TNNI3K: variants seen among roughly 807,000 people sequenced by gnomAD.
TNNI3K encodes the protein TNNI3 interacting kinase.
In TNNI3K, 140 loss-of-function variants were observed where a neutral mutation model predicts 114.5. The ratio of observed to expected loss-of-function variants is 1.22; its 90% CI spans 1.07 to 1.41. TNNI3K has a LOEUF of 1.41. Among genes scored for constraint, TNNI3K ranks in the 40% most tolerant of loss-of-function variants. The pLI, the probability that TNNI3K is intolerant of heterozygous loss-of-function variation, is 0.00. For synonymous variants in TNNI3K, 347 were observed against 347.5 expected, an observed-to-expected ratio of 1.00 and a Z score of 0.02; for missense variants, 1,125 against 1,007.6, an observed-to-expected ratio of 1.12 and a Z score of -1.58.
At chr1:74,237,270 T>A (rs1653915849) in intron 2 of TNNI3K, among the ~76,000 whole-genome samples, 1 of 151,932 alleles carries the variant, frequency 6.6e-6, no homozygotes, top group Non-Finnish European at 1.5e-5. Flanking sequence ...GATCTGACTT[T>A]TGCAAGTAGT....
At chr1:74,408,504 T>A (rs143025738) in intron 17 of TNNI3K, among the ~76,000 whole-genome samples, 2 of 152,236 alleles carry the variant, frequency 1.3e-5, no homozygotes, top group Non-Finnish European at 2.9e-5. Flanking sequence ...CTGCACTCAG[T>A]TCTCTCTTTC....
At chr1:74,398,732 C>T (rs903690516) in intron 17 of TNNI3K, among the ~76,000 whole-genome samples, 1 of 152,094 alleles carries the variant, frequency 6.6e-6, no homozygotes, top group Non-Finnish European at 1.5e-5. Flanking sequence ...GCCACTTTAT[C>T]TTGAGGGTGC....
chr1:74,418,704 C>A (rs1330604650), intron 17 of TNNI3K, among the ~76,000 whole-genome samples: 6 of 151,850 alleles, frequency 4.0e-5, no homozygotes, highest in Non-Finnish European at 5.9e-5. Context: ...ATCTTAACCT[C>A]CAAAACAAAA....
intron 7 of TNNI3K, among the ~76,000 whole-genome samples, chr1:74,338,360 A>T (rs1258476723): frequency 1.3e-5 from 2 of 152,026 alleles, no homozygotes; most frequent in Non-Finnish European, 2.9e-5. Context: ...TTTCTTAATT[A>T]TAAAATAAAT....
rs1476385482 is a variant in TNNI3K, at chr1:74,439,471, G to T, written c.1879-19G>T. 2 of 1,607,306 alleles carry T rather than the reference G, an allele frequency of 1.2e-6. No homozygotes were observed. Among genetic ancestry groups the T allele is most frequent in the South Asian group, 1.1e-5 (1 of 89,948 alleles). On this transcript the variant is annotated intron_variant, in intron 19 of 24. Coordinates refer to ENST00000326637, the MANE Select transcript of TNNI3K (RefSeq NM_015978.3). ...CCAAACACTTGGTAAATGGCTTGTG[G>T]ATGTTTCTTGATGTGCAGAACCTCC...
At chr1:74,528,727 T>A (rs1004298548) in intron 23 of TNNI3K, among the ~76,000 whole-genome samples, 16 of 152,222 alleles carry the variant, frequency 1.1e-4, no homozygotes, top group African/African-American at 3.9e-4. Context: ...CACCTATGTA[T>A]GCTCATGCAT....
chr1:74,380,315 T>G (rs1332080861), intron 17 of TNNI3K, among the ~76,000 whole-genome samples: 1 of 152,186 alleles, frequency 6.6e-6, no homozygotes, highest in African/African-American at 2.4e-5. Context: ...GCTATAAAAA[T>G]AGTGCTACTC....
chr1:74,504,978 TTC>T (rs1669820016), intron 23 of TNNI3K, among the ~76,000 whole-genome samples: 1 of 152,128 alleles, frequency 6.6e-6, no homozygotes, highest in Admixed American at 6.5e-5. Flanking sequence ...GGTGACAGAT[TTC>T]TCAGTTTTCA....
chr1:74,436,213 T>C, intron 18 of TNNI3K, 81 bp downstream of exon 18: 8 of 1,525,114 alleles, frequency 5.2e-6, no homozygotes, highest in Non-Finnish European at 7.2e-6. Flanking sequence ...ACCATGAAAC[T>C]GAACACTGAA....
At chr1:74,391,123 G>A (rs755767703) in intron 17 of TNNI3K, among the ~76,000 whole-genome samples, 1 of 152,126 alleles carries the variant, frequency 6.6e-6, no homozygotes, top group Non-Finnish European at 1.5e-5. Context: ...CCATTGAGAT[G>A]TTTAAGCAAG....
intron 21 of TNNI3K, chr1:74,480,529 G>A (rs1668436286): frequency 1.4e-6 from 1 of 717,396 alleles, no homozygotes; most frequent in Non-Finnish European, 2.6e-6. Context: ...GGGGCCGGAA[G>A]GCATCTTTCC....
intron 23 of TNNI3K, among the ~76,000 whole-genome samples, chr1:74,494,506 G>A (rs996445317): frequency 6.6e-6 from 1 of 152,088 alleles, no homozygotes; most frequent in Non-Finnish European, 1.5e-5. Context: ...AGGACCCATA[G>A]GCCAAGACTA....
intron 11 of TNNI3K, among the ~76,000 whole-genome samples, chr1:74,364,258 G>A (rs1234512941): frequency 6.6e-6 from 1 of 151,672 alleles, no homozygotes; most frequent in African/African-American, 2.4e-5. Flanking sequence ...CTCCACCTCA[G>A]CCCCACAAAA....
intron 5 of TNNI3K, among the ~76,000 whole-genome samples, chr1:74,303,798 A>G (rs1570441551): frequency 6.6e-6 from 1 of 152,212 alleles, no homozygotes; most frequent in Non-Finnish European, 1.5e-5. Context: ...AGATGCCAGT[A>G]AGATCATTTG....
intron 23 of TNNI3K, among the ~76,000 whole-genome samples, chr1:74,535,826 C>T (rs1646654522): frequency 6.6e-6 from 1 of 152,148 alleles, no homozygotes; most frequent in Non-Finnish European, 1.5e-5. Context: ...TTGAATCTAA[C>T]CACTCGTCAT....
chr1:74,253,292 A>G (rs1184555580), intron 4 of TNNI3K, among the ~76,000 whole-genome samples: 1 of 152,172 alleles, frequency 6.6e-6, no homozygotes, highest in Non-Finnish European at 1.5e-5. Context: ...GATCCCGCAC[A>G]GGGGCCGCAG....
intron 17 of TNNI3K, among the ~76,000 whole-genome samples, chr1:74,422,002 G>A (rs1023704401): frequency 6.7e-6 from 1 of 148,744 alleles, no homozygotes; most frequent in East Asian, 2.0e-4. Context: ...ATTTATTTTA[G>A]ATTTTTTCAG....
At chr1:74,519,712 A>C (rs1646403183) in intron 23 of TNNI3K, among the ~76,000 whole-genome samples, 2 of 152,350 alleles carry the variant, frequency 1.3e-5, no homozygotes, top group South Asian at 4.1e-4. Context: ...TCTTTAAAAG[A>C]AAATTACATT....
intron 17 of TNNI3K, among the ~76,000 whole-genome samples, chr1:74,432,266 C>T (rs1035731833): frequency 2.6e-5 from 4 of 152,244 alleles, no homozygotes; most frequent in African/African-American, 9.6e-5. Flanking sequence ...TCAGAAGGAT[C>T]TGACTCATGG....
Sources: allele counts gnomAD v4.1 joint callset (sites outside exome capture counted in the v4.1 genomes callset), GRCh38; gene constraint gnomAD v4.1.1; transcripts MANE v1.5; gene names NCBI Gene and HGNC (gene_info 2026-07-23, HGNC 2026-07-21).